MAML2: variants seen among roughly 807,000 people sequenced by gnomAD.
MAML2 encodes mastermind like transcriptional coactivator 2, also known as mastermind-like protein 2.
A neutral mutation model predicts 96.1 loss-of-function variants in MAML2; 22 were observed. That is an observed-to-expected ratio of 0.23 (90% CI 0.16 to 0.33). The LOEUF is 0.33. MAML2 is among the 10% of genes least tolerant of loss of function. The pLI is 1.00. For missense variants in MAML2, 1,367 were observed against 1,392.4 expected (o/e 0.98, Z 0.29); for synonymous variants, 561 against 521.3 (o/e 1.08, Z -1.04).
At chr11:96,043,249 G>A (rs1858845491) in intron 2 of MAML2, among the ~76,000 whole-genome samples, 1 of 152,102 alleles carries the variant, frequency 6.6e-6, no homozygotes, top group Non-Finnish European at 1.5e-5. Context: ...AATGGATTTG[G>A]GTTCTAACTA....
At chr11:96,290,444 A>G (rs1863193230) in intron 1 of MAML2, among the ~76,000 whole-genome samples, 1 of 152,224 alleles carries the variant, frequency 6.6e-6, no homozygotes, top group Admixed American at 6.5e-5. Flanking sequence ...ATTGAGAATT[A>G]GCATAGTTCA....
At chr11:96,184,751 G>A (rs1861546849) in intron 1 of MAML2, among the ~76,000 whole-genome samples, 1 of 151,824 alleles carries the variant, frequency 6.6e-6, no homozygotes, top group Non-Finnish European at 1.5e-5. Context: ...CGCCACACCT[G>A]TCTAATTTTT....
At chr11:96,028,618 G>A (rs371440413) in intron 2 of MAML2, among the ~76,000 whole-genome samples, 6 of 152,082 alleles carry the variant, frequency 3.9e-5, no homozygotes, top group African/African-American at 1.4e-4. Context: ...ATAAATATCT[G>A]TAGAAAGAAT....
intron 1 of MAML2, among the ~76,000 whole-genome samples, chr11:96,335,821 C>T (rs1375157589): frequency 6.6e-6 from 1 of 152,138 alleles, no homozygotes; most frequent in Non-Finnish European, 1.5e-5. Flanking sequence ...GTACTCACGT[C>T]CAGCCACACT....
At chr11:96,240,810 AG>A (rs1272101027) in intron 1 of MAML2, among the ~76,000 whole-genome samples, 1 of 152,178 alleles carries the variant, frequency 6.6e-6, no homozygotes, top group Non-Finnish European at 1.5e-5. Context: ...GTCTCATTGA[AG>A]TACGGAATAA....
intron 1 of MAML2, among the ~76,000 whole-genome samples, chr11:96,162,812 G>A (rs1861134240): frequency 6.6e-6 from 1 of 152,162 alleles, no homozygotes. Context: ...GGGGTCTGAG[G>A]AGGGCTCTTT....
intron 1 of MAML2, among the ~76,000 whole-genome samples, chr11:96,093,739 A>T (rs7113883): frequency 6.6e-6 from 1 of 152,228 alleles, no homozygotes; most frequent in African/African-American, 2.4e-5. Flanking sequence ...GGAGGAGCAG[A>T]TCAATTAGGT....
chr11:96,201,101 G>A (rs964166540), intron 1 of MAML2, among the ~76,000 whole-genome samples: 2 of 151,982 alleles, frequency 1.3e-5, no homozygotes, highest in Admixed American at 6.6e-5. Context: ...ACATTGTAAG[G>A]GATCTTCATG....
At chr11:95,990,045 A>G (rs929275868) in intron 3 of MAML2, among the ~76,000 whole-genome samples, 2 of 152,174 alleles carry the variant, frequency 1.3e-5, no homozygotes, top group African/African-American at 4.8e-5. Context: ...AGAATCCTAC[A>G]GTCCTTCAAA....
chr11:96,041,199 T>A (rs1031705828), intron 2 of MAML2, among the ~76,000 whole-genome samples: 1 of 151,578 alleles, frequency 6.6e-6, no homozygotes. Context: ...ATTAAACAGG[T>A]GATATTCAAG....
intron 1 of MAML2, among the ~76,000 whole-genome samples, chr11:96,309,317 G>A (rs1863505715): frequency 6.6e-6 from 1 of 152,172 alleles, no homozygotes. Flanking sequence ...TGATTTAGTA[G>A]AAGGATTCGA....
intron 1 of MAML2, among the ~76,000 whole-genome samples, chr11:96,184,172 G>C (rs1303816366): frequency 2.0e-5 from 3 of 152,228 alleles, no homozygotes; most frequent in Non-Finnish European, 4.4e-5. Context: ...GCTGGGCACG[G>C]CGGCTCACGC....
At chr11:96,024,292 T>C (rs1443532743) in intron 2 of MAML2, among the ~76,000 whole-genome samples, 1 of 152,256 alleles carries the variant, frequency 6.6e-6, no homozygotes. Flanking sequence ...ACTTCCTAAT[T>C]GTGCAATCTT....
At position 96,092,432 on chromosome 11, in the gene MAML2, C is replaced by T; in HGVS notation, c.1599G>A (p.Lys533=). The T allele has an allele frequency of 6.2e-7, 1 of 1,613,800 alleles. No individual in the cohort carries two copies. The highest frequency in any genetic ancestry group is 8.5e-7 in the Non-Finnish European group (1 of 1,179,800). ...GGHLDVLMQQ[K]PQDLSRSFIN... ...TAAAACTTCGACTGAGATCCTGAGG[C>T]TTTTGCTGCATGAGGACATCTAGGT... The change falls in exon 2 of 5, where the codon AAG becomes AAA. Residue 533 remains lysine, a synonymous_variant. Transcript: ENST00000524717. This position sits in a 1 kb window ranked among gnomAD's most constrained non-coding sequence, Gnocchi z 4.1.
chr11:96,181,490 A>G (rs984001967), intron 1 of MAML2, among the ~76,000 whole-genome samples: 2 of 152,170 alleles, frequency 1.3e-5, no homozygotes, highest in African/African-American at 4.8e-5. Flanking sequence ...AACTATATTA[A>G]TAACCAAAAA....
At chr11:96,077,743 A>G (rs1241985515) in intron 2 of MAML2, among the ~76,000 whole-genome samples, 1 of 152,162 alleles carries the variant, frequency 6.6e-6, no homozygotes, top group Admixed American at 6.5e-5. Context: ...ACAGTACAGG[A>G]TGGGGAAGAC....
At chr11:96,232,661 C>A (rs1862311838) in intron 1 of MAML2, among the ~76,000 whole-genome samples, 1 of 152,056 alleles carries the variant, frequency 6.6e-6, no homozygotes, top group Non-Finnish European at 1.5e-5. Context: ...TTAGTAGAGA[C>A]GGGGTTTCAC....
At chr11:96,144,313 C>T (rs764043827) in intron 1 of MAML2, among the ~76,000 whole-genome samples, 3 of 152,080 alleles carry the variant, frequency 2.0e-5, no homozygotes, top group Non-Finnish European at 4.4e-5. Context: ...GTTAAGAATG[C>T]TTATTGAGAA....
At chr11:96,076,868 CCTGACCTTTGGGCCTTTGGATCCA>C (rs1409499938) in intron 2 of MAML2, among the ~76,000 whole-genome samples, 3 of 152,160 alleles carry the variant, frequency 2.0e-5, no homozygotes, top group African/African-American at 7.2e-5. Context: ...CCAAGTGGGA[CCTGACCTTTGGGCCTTTGGATCCA>C]TGTTGCATTC....
Sources: allele counts gnomAD v4.1 joint callset (sites outside exome capture counted in the v4.1 genomes callset), GRCh38; gene constraint gnomAD v4.1.1; non-coding constraint Gnocchi (gnomAD v3.1); transcripts MANE v1.5; gene names NCBI Gene and HGNC (gene_info 2026-07-23, HGNC 2026-07-21).